The following EPCIP variants were observed in gnomAD, a reference collection of about 807,000 sequenced individuals.
EPCIP encodes exosomal polycystin 1 interacting protein.
At chr21:32,792,712 G>A in the EPCIP span, among the ~76,000 whole-genome samples, 1 of 152,120 alleles carries the variant, frequency 6.6e-6, no homozygotes, top group South Asian at 2.1e-4. Flanking sequence ...AATGTGTTTT[G>A]TGTCCTCCAA....
the EPCIP span, among the ~76,000 whole-genome samples, chr21:32,802,165 C>T: frequency 6.6e-6 from 1 of 152,024 alleles, no homozygotes; most frequent in East Asian, 1.9e-4. Flanking sequence ...GATCATCACC[C>T]CATCAATAAA....
chr21:32,795,763 G>A, the EPCIP span, among the ~76,000 whole-genome samples: 1 of 152,164 alleles, frequency 6.6e-6, no homozygotes, highest in Non-Finnish European at 1.5e-5. Context: ...AAATCCAAAG[G>A]AATCAAGGCT....
the EPCIP span, among the ~76,000 whole-genome samples, chr21:32,806,996 C>G: frequency 6.6e-6 from 1 of 152,124 alleles, no homozygotes; most frequent in Non-Finnish European, 1.5e-5. Flanking sequence ...AAGGGGTTTC[C>G]CCTTACAAAG....
chr21:32,802,980 C>T, the EPCIP span, among the ~76,000 whole-genome samples: 1 of 152,164 alleles, frequency 6.6e-6, no homozygotes, highest in African/African-American at 2.4e-5. Context: ...CACTGTGAGC[C>T]CTGACAGCCA....
At chr21:32,809,122 G>T in the EPCIP span, among the ~76,000 whole-genome samples, 2 of 150,970 alleles carry the variant, frequency 1.3e-5, no homozygotes, top group East Asian at 3.9e-4. Context: ...ATGGGAAGTG[G>T]ATCAAAACTG....
chr21:32,811,001 C>A, the EPCIP span, among the ~76,000 whole-genome samples: 1 of 152,172 alleles, frequency 6.6e-6, no homozygotes, highest in Non-Finnish European at 1.5e-5. Flanking sequence ...AAATCAGGAA[C>A]TATCCATATT....
chr21:32,798,825 A>G, the EPCIP span: 1 of 152,068 alleles, frequency 6.6e-6, no homozygotes. Flanking sequence ...TTAGCCAGGC[A>G]GGGTGGCATG....
chr21:32,793,571 G>A, the EPCIP span: 9 of 666,102 alleles, frequency 1.4e-5, no homozygotes, highest in Non-Finnish European at 2.2e-5. Flanking sequence ...TTTCAAAAGT[G>A]TTCTCGCAGT....
the EPCIP span, among the ~76,000 whole-genome samples, chr21:32,792,915 A>ATTT: frequency 1.4e-5 from 1 of 69,822 alleles, no homozygotes; most frequent in Non-Finnish European, 3.2e-5. Flanking sequence ...TATTATTATT[A>ATTT]TTTTTTTTTT....
the EPCIP span, among the ~76,000 whole-genome samples, chr21:32,791,699 C>A: frequency 6.7e-6 from 1 of 148,488 alleles, no homozygotes; most frequent in African/African-American, 2.5e-5. Context: ...GTAGAAATTG[C>A]AGATTATTTC....
At chr21:32,795,665 A>T in the EPCIP span, among the ~76,000 whole-genome samples, 1 of 152,218 alleles carries the variant, frequency 6.6e-6, no homozygotes, top group Non-Finnish European at 1.5e-5. Flanking sequence ...AGAGCTCAAC[A>T]TGTGTCCAAA....
chr21:32,813,625 C>T, the EPCIP span: 1 of 471,222 alleles, frequency 2.1e-6, no homozygotes, highest in Admixed American at 2.3e-5. Context: ...CTCGCCTCTC[C>T]ACTCCACAGA....
chr21:32,796,270 A>C, the EPCIP span, among the ~76,000 whole-genome samples: 2 of 152,218 alleles, frequency 1.3e-5, no homozygotes, highest in East Asian at 3.9e-4. Context: ...AGTGGGGAGG[A>C]GGCGAGAGGA....
the EPCIP span, chr21:32,796,919 T>C: frequency 2.1e-6 from 1 of 467,232 alleles, no homozygotes; most frequent in African/African-American, 2.0e-5. Flanking sequence ...GTGAGAAAAG[T>C]GTCTGCCTCC....
chr21:32,809,655 G>A, the EPCIP span, among the ~76,000 whole-genome samples: 5 of 152,004 alleles, frequency 3.3e-5, no homozygotes, highest in African/African-American at 4.8e-5. Flanking sequence ...GAGCCACCGC[G>A]CCTGCCCCCA....
At chr21:32,804,629 G>A in the EPCIP span, among the ~76,000 whole-genome samples, 3 of 151,920 alleles carry the variant, frequency 2.0e-5, no homozygotes, top group African/African-American at 7.3e-5. Context: ...TAAAGTAACT[G>A]GTTCATTTAA....
chr21:32,801,579 G>A, the EPCIP span, among the ~76,000 whole-genome samples: 1 of 152,186 alleles, frequency 6.6e-6, no homozygotes, highest in African/African-American at 2.4e-5. Flanking sequence ...AGTGGCTGAC[G>A]CCTGTAATTC....
At chr21:32,796,279 G>A in the EPCIP span, among the ~76,000 whole-genome samples, 1 of 152,228 alleles carries the variant, frequency 6.6e-6, no homozygotes. Context: ...GAGGCGAGAG[G>A]AGGGGGCAAA....
the EPCIP span, among the ~76,000 whole-genome samples, chr21:32,791,787 C>T: frequency 6.6e-6 from 1 of 151,780 alleles, no homozygotes; most frequent in Non-Finnish European, 1.5e-5. Context: ...CCCAGGATAT[C>T]CTGTTAAGTC....
Sources: allele counts gnomAD v4.1 joint callset (sites outside exome capture counted in the v4.1 genomes callset), GRCh38; gene constraint gnomAD v4.1.1; transcripts MANE v1.5; gene names NCBI Gene and HGNC (gene_info 2026-07-23, HGNC 2026-07-21).